The following NR6A1 variants were observed in gnomAD, a reference collection of about 807,000 sequenced individuals.
The protein encoded by NR6A1 is retinoic acid receptor-related testis-associated receptor.
A neutral mutation model predicts 59.1 loss-of-function variants in NR6A1; 7 were observed. The observed-to-expected ratio is 0.12, with a 90% CI of 0.07 to 0.22. The LOEUF is 0.22. Ranked by LOEUF, NR6A1 falls within the 10% of genes least tolerant of loss-of-function variation. The probability of loss-of-function intolerance (pLI) is 1.00; values close to 1 mark genes in which losing one functional copy is unlikely to be tolerated. For missense variants in NR6A1, 468 were observed against 611.6 expected (o/e 0.77, Z 2.48); for synonymous variants, 243 against 236.1 (o/e 1.03, Z -0.27).
rs537640274 is a variant in NR6A1 at position 124,537,218 on chromosome 9, T to C, written c.824+874A>G. Among the ~76,000 whole-genome samples the C allele has an allele frequency of 5.8e-4, 89 of 152,212 alleles. 1 individual carries two copies. In the South Asian group the frequency reaches 0.018, roughly 31 times the overall value. On this transcript the variant is annotated intron_variant, in intron 6 of 9. Transcript: ENST00000487099. Reference sequence around the variant, plus strand: ...AATTCTCCTGCCTCAGCTTACTGAGTAGCTGCGATTACAGGCGTGTGCCAC... The same window carrying C: ...AATTCTCCTGCCTCAGCTTACTGAGCAGCTGCGATTACAGGCGTGTGCCAC...
At chr9:124,536,788 C>G (rs778378613) in intron 6 of NR6A1, among the ~76,000 whole-genome samples, 6 of 152,120 alleles carry the variant, frequency 3.9e-5, no homozygotes, top group Non-Finnish European at 5.9e-5. Context: ...GGCAATGGAA[C>G]TCTAATGGGG....
chr9:124,766,734 C>G (rs1031082417), intron 1 of NR6A1, among the ~76,000 whole-genome samples: 1 of 152,176 alleles, frequency 6.6e-6, no homozygotes, highest in Non-Finnish European at 1.5e-5. Flanking sequence ...AAGATTATGA[C>G]CAGCCCCAAA....
intron 6 of NR6A1, among the ~76,000 whole-genome samples, chr9:124,537,414 G>C (rs1482155888): frequency 6.6e-6 from 1 of 152,146 alleles, no homozygotes; most frequent in African/African-American, 2.4e-5. Flanking sequence ...CAAAGGGTTT[G>C]TGTGACCTCC....
chr9:124,539,857 A>G (rs1185499839), intron 5 of NR6A1, among the ~76,000 whole-genome samples, 176 bp downstream of exon 5: 1 of 152,224 alleles, frequency 6.6e-6, no homozygotes, highest in Non-Finnish European at 1.5e-5. Flanking sequence ...CTTTAGCATA[A>G]AAGGGGCTGG....
chr9:124,765,986 T>G (rs1165636771), intron 1 of NR6A1, among the ~76,000 whole-genome samples: 1 of 152,204 alleles, frequency 6.6e-6, no homozygotes, highest in Non-Finnish European at 1.5e-5. Flanking sequence ...ACCCTTGTCT[T>G]TTTCTTAAAG....
intron 2 of NR6A1, among the ~76,000 whole-genome samples, chr9:124,667,263 C>G (rs1344629995): frequency 6.6e-6 from 1 of 151,896 alleles, no homozygotes; most frequent in Non-Finnish European, 1.5e-5. Flanking sequence ...GAACTCCTGA[C>G]CTCATGATCC....
At chr9:124,702,115 A>G (rs1029918742) in intron 2 of NR6A1, among the ~76,000 whole-genome samples, 1 of 152,192 alleles carries the variant, frequency 6.6e-6, no homozygotes, top group African/African-American at 2.4e-5. Flanking sequence ...AAAGTTTTAC[A>G]TTTTAATGAA....
intron 2 of NR6A1, among the ~76,000 whole-genome samples, chr9:124,731,782 T>C (rs550929729): frequency 2.0e-5 from 3 of 152,216 alleles, no homozygotes; most frequent in Non-Finnish European, 4.4e-5. Flanking sequence ...TAGAATATAA[T>C]ACATATAACA....
At chr9:124,615,521 T>G (rs1414457267) in intron 2 of NR6A1, among the ~76,000 whole-genome samples, 1 of 152,204 alleles carries the variant, frequency 6.6e-6, no homozygotes, top group Non-Finnish European at 1.5e-5. Flanking sequence ...CAACACAATA[T>G]TTATTTCAAC....
At chr9:124,719,734 C>T (rs1007796000) in intron 2 of NR6A1, among the ~76,000 whole-genome samples, 1 of 152,062 alleles carries the variant, frequency 6.6e-6, no homozygotes, top group African/African-American at 2.4e-5. Flanking sequence ...GCCTGAGCAA[C>T]CTGGTGAAAC....
intron 2 of NR6A1, among the ~76,000 whole-genome samples, chr9:124,732,536 C>T (rs1167481151): frequency 6.6e-6 from 1 of 152,102 alleles, no homozygotes. Flanking sequence ...ATATCTTAAC[C>T]ATAAGACCGT....
chr9:124,539,071 C>T (rs761608404), intron 5 of NR6A1, among the ~76,000 whole-genome samples: 3 of 151,804 alleles, frequency 2.0e-5, no homozygotes, highest in Non-Finnish European at 4.4e-5. Flanking sequence ...ATTTAATTAA[C>T]AACGACAACA....
intron 2 of NR6A1, among the ~76,000 whole-genome samples, chr9:124,579,946 G>A (rs1008788686): frequency 6.6e-6 from 1 of 152,178 alleles, no homozygotes; most frequent in African/African-American, 2.4e-5. Context: ...GGAGGCAGAG[G>A]TGGTGGTGAG....
At chr9:124,536,358 C>T (rs543966219) in intron 6 of NR6A1, among the ~76,000 whole-genome samples, 2 of 151,826 alleles carry the variant, frequency 1.3e-5, no homozygotes, top group African/African-American at 4.8e-5. Context: ...GGAAAGGCTG[C>T]TAAGGGGAAA....
At chr9:124,618,123 T>A (rs1209928187) in intron 2 of NR6A1, among the ~76,000 whole-genome samples, 1 of 152,150 alleles carries the variant, frequency 6.6e-6, no homozygotes, top group Non-Finnish European at 1.5e-5. Context: ...CTCATTCCCT[T>A]TACTTGGCTT....
At position 124,719,927 on chromosome 9, in the gene NR6A1, T is replaced by C. The variant is rs76786652; in HGVS notation, c.142+13381A>G. On this transcript the variant is annotated intron_variant, in intron 2 of 9. Coordinates refer to ENST00000487099, the MANE Select transcript of NR6A1 (RefSeq NM_033334.4). ...CAAAAGACCGTGTCCCCAATCCATA[T>C]AAAGAAGGCAGCCACTACTCTGTTC... 3.6e-4 allele frequency among the ~76,000 whole-genome samples: 54 copies of C among 152,090 alleles called. No homozygotes were observed. The East Asian group carries it at 9.7e-3, about 27-fold the overall frequency.
intron 2 of NR6A1, among the ~76,000 whole-genome samples, chr9:124,588,554 C>A (rs541054919): frequency 6.7e-6 from 1 of 150,086 alleles, no homozygotes; most frequent in Non-Finnish European, 1.5e-5. Context: ...GTGATCCACC[C>A]GCTTCGGCCT....
chr9:124,716,468 A>C (rs1839419913), intron 2 of NR6A1, among the ~76,000 whole-genome samples: 1 of 152,226 alleles, frequency 6.6e-6, no homozygotes, highest in Non-Finnish European at 1.5e-5. Context: ...GGACTTCATA[A>C]AAATTTTAAA....
chr9:124,743,888 G>T (rs914603437), intron 1 of NR6A1, among the ~76,000 whole-genome samples: 1 of 152,118 alleles, frequency 6.6e-6, no homozygotes, highest in South Asian at 2.1e-4. Flanking sequence ...GTTCTCTGGA[G>T]GAACAAAAGG....
Sources: allele counts gnomAD v4.1 joint callset (sites outside exome capture counted in the v4.1 genomes callset), GRCh38; gene constraint gnomAD v4.1.1; transcripts MANE v1.5; gene names NCBI Gene and HGNC (gene_info 2026-07-23, HGNC 2026-07-21).